Variants in KRT86 observed in about 807,000 individuals in gnomAD.
KRT86 encodes keratin, type II cuticular Hb6.
In KRT86, 30 loss-of-function variants were observed where a neutral mutation model predicts 41.2. The ratio of observed to expected loss-of-function variants is 0.73; its 90% CI spans 0.54 to 0.99. The LOEUF (loss-of-function observed/expected upper bound fraction) is 0.99, where lower values mean the gene tolerates loss of function less well. Ranked by LOEUF, KRT86 falls within the 50% of genes least tolerant of loss-of-function variation. The pLI, the probability that KRT86 is intolerant of heterozygous loss-of-function variation, is 0.00. For missense variants in KRT86, 561 were observed against 571.4 expected (o/e 0.98, Z 0.19); for synonymous variants, 238 against 238.1 (o/e 1.00, Z 0.00).
chr12:52,278,396 C>T (rs1417944619), intron 2 of KRT86, among the ~76,000 whole-genome samples: 3 of 150,322 alleles, frequency 2.0e-5, no homozygotes, highest in African/African-American at 4.9e-5. Context: ...TGTTCCCTCA[C>T]GGTCTCACCT....
Position 52,306,114 on chromosome 12 carries a change from C to T in KRT86, c.1081C>T (p.Leu361Phe). ...GTCTGAGCAGCAGGGTGAGGCGGCC[C>T]TCAGCGATGCCCGCTGCAAGTTGGC... ...AQSEQQGEAA[L>F]SDARCKLAEL... The change falls in exon 9 of 11, where the codon CTC becomes TTC. Residue 361 changes from leucine (L) to phenylalanine (F), a missense_variant. Transcript: ENST00000423955. The T allele has an allele frequency of 6.2e-7, 1 of 1,614,024 alleles. No individual in the cohort carries two copies. Among genetic ancestry groups the T allele is most frequent in the Non-Finnish European group, 8.5e-7 (1 of 1,180,044 alleles).
At chr12:52,286,783 A>G (rs1357639232) in intron 2 of KRT86, 2 of 1,613,942 alleles carry the variant, frequency 1.2e-6, no homozygotes, top group Non-Finnish European at 1.7e-6. Context: ...TGGACCCCAA[A>G]TACTCACAGA....
At chr12:52,294,477 AAGGGAGGAGGGGAGGGAAGGTGGC>A (rs750372232) in intron 2 of KRT86, among the ~76,000 whole-genome samples, 120 of 152,038 alleles carry the variant, frequency 7.9e-4, no homozygotes, top group Non-Finnish European at 1.2e-3. Flanking sequence ...TGTCATGGGG[AAGGGAGGAGGGGAGGGAAGGTGGC>A]AGGGAGGAGG....
intron 2 of KRT86, among the ~76,000 whole-genome samples, chr12:52,299,846 C>T (rs4318022): frequency 6.6e-6 from 1 of 152,170 alleles, no homozygotes; most frequent in Non-Finnish European, 1.5e-5. Flanking sequence ...GCTACGAATT[C>T]CTTGTCAGTT....
chr12:52,286,020 T>G, intron 2 of KRT86: 1 of 570,012 alleles, frequency 1.8e-6, no homozygotes, highest in Admixed American at 3.0e-5. Context: ...TTCCTGCTCC[T>G]GAGGCCCCTT....
chr12:52,275,054 T>A (rs1592412069), intron 1 of KRT86: 2 of 152,266 alleles, frequency 1.3e-5, no homozygotes, highest in African/African-American at 4.8e-5. Flanking sequence ...TTGCACGTGG[T>A]GGATGGAATG....
intron 2 of KRT86, among the ~76,000 whole-genome samples, chr12:52,284,351 A>G (rs545491899): frequency 1.3e-5 from 2 of 152,232 alleles, no homozygotes; most frequent in East Asian, 3.9e-4. Flanking sequence ...CACGTCGCCC[A>G]GCTAATATTT....
chr12:52,275,346 C>T (rs1942542189), intron 1 of KRT86, among the ~76,000 whole-genome samples: 1 of 152,180 alleles, frequency 6.6e-6, no homozygotes, highest in African/African-American at 2.4e-5. Flanking sequence ...TCCCTGGTTT[C>T]TGATTAATGG....
chr12:52,288,142 G>T, intron 2 of KRT86: 6 of 1,614,050 alleles, frequency 3.7e-6, no homozygotes, highest in Non-Finnish European at 4.2e-6. Context: ...TGGAGAATGA[G>T]GATCTCCTGC....
intron 2 of KRT86, among the ~76,000 whole-genome samples, chr12:52,298,601 TC>T (rs1223477055): frequency 5.3e-5 from 8 of 152,210 alleles, no homozygotes; most frequent in African/African-American, 1.9e-4. Context: ...ACTCTTTTAA[TC>T]TTTACAACTT....
chr12:52,301,768 T>C, intron 2 of KRT86, 145 bp from the exon 3 acceptor site: 1 of 1,546,428 alleles, frequency 6.5e-7, no homozygotes, highest in Non-Finnish European at 8.9e-7. Flanking sequence ...TAAAGCCTTC[T>C]AATTGCTCCG....
rs202141424 is a variant in KRT86, at chr12:52,302,023, C to A, written c.107C>A (p.Ser36Tyr). 1.9e-5 allele frequency: 30 copies of A among 1,611,346 alleles called. No individual in the cohort carries two copies. Among genetic ancestry groups the A allele is most frequent in the Middle Eastern group, 1.7e-4 (1 of 6,046 alleles). The stretch of plus-strand genomic sequence containing the variant: ...ACCGCCGCCCCCTACCGTGGCATCT[C>A]CTGCTACCGCGGCCTCACCGGGGGC... ...CITAAPYRGI[S>Y]CYRGLTGGFG... The change falls in exon 3 of 11, where the codon TCC becomes TAC. Residue 36 changes from serine to tyrosine, a missense_variant. By Grantham distance (144) the Ser-to-Tyr change is moderately radical (BLOSUM62 -2). Transcript: ENST00000423955.
At chr12:52,287,341 A>T in intron 2 of KRT86, 1 of 1,613,892 alleles carries the variant, frequency 6.2e-7, no homozygotes, top group Non-Finnish European at 8.5e-7. Context: ...AACAGAAAGA[A>T]CAAGGTAGAT....
rs1323515161 is a variant in KRT86, at chr12:52,301,261, G to GA, written c.-4-651dup. Among the ~76,000 whole-genome samples the GA allele has an allele frequency of 8.6e-5, 13 of 151,538 alleles. No individual in the cohort carries two copies. In the East Asian group the frequency reaches 1.9e-3, roughly 23 times the overall value. ...TGCACCAGAGAGTGGGAGAGAGAGA[G>GA]AGAAAAAAACATGTTGATAGGTATA... On this transcript the variant is annotated intron_variant, in intron 2 of 10. Coordinates refer to ENST00000423955, the MANE Select transcript of KRT86 (RefSeq NM_001320198.2).
chr12:52,308,900 A>G lies in KRT86; in HGVS notation c.*315A>G, dbSNP rs1282522497. On this transcript the variant is annotated 3_prime_UTR_variant, in exon 11 of 11. Coordinates refer to ENST00000423955, the MANE Select transcript of KRT86 (RefSeq NM_001320198.2). ...TTGGTCTTGCCTGAGCTCTTCCCCAAAGCTTGGAGGAACGGGGGAGGCCCG... is the reference window on the plus strand; with the variant it reads ...TTGGTCTTGCCTGAGCTCTTCCCCAGAGCTTGGAGGAACGGGGGAGGCCCG... 2.7e-6 allele frequency: 1 copy of G among 367,086 alleles called. No homozygotes were observed. The allele number at this position is 367,086 out of a possible 1,614,324, so 22.7% of individuals were successfully genotyped here.
At chr12:52,301,777 C>T (rs1376502130) in intron 2 of KRT86, 136 bp from the exon 3 acceptor site, 1 of 1,577,520 alleles carries the variant, frequency 6.3e-7, no homozygotes, top group East Asian at 2.2e-5. Context: ...CTAATTGCTC[C>T]GACCCACGTG....
chr12:52,280,724 C>T (rs1274150683), intron 2 of KRT86, among the ~76,000 whole-genome samples: 1 of 152,244 alleles, frequency 6.6e-6, no homozygotes, highest in Non-Finnish European at 1.5e-5. Context: ...CCTGCCAACA[C>T]TCGCAAATGC....
chr12:52,305,361 T>C lies in KRT86; in HGVS notation c.857T>C (p.Val286Ala). ...AEIKAQYDDI[V>A]TRSRAEAESW... ...ATCAAGGCACAGTACGATGACATTG[T>C]CACCCGTAGCCGGGCTGAGGCCGAG... Residue 286 changes from valine (V) to alanine (A), a missense_variant, in exon 7 of 11, where the codon GTC becomes GCC. Transcript: ENST00000423955. 1 of 1,614,208 alleles carries C rather than the reference T, an allele frequency of 6.2e-7. No homozygotes were observed. Among genetic ancestry groups the C allele is most frequent in the Non-Finnish European group, 8.5e-7 (1 of 1,180,038 alleles).
rs936190036 is a variant in KRT86, at chr12:52,291,200, G to C, written c.-4-10713G>C. 5 of 1,381,856 alleles carry C rather than the reference G, an allele frequency of 3.6e-6. No homozygotes were observed. Among genetic ancestry groups the C allele is most frequent in the Admixed American group, 2.3e-5 (1 of 44,420 alleles). The allele number at this position is 1,381,856 out of a possible 1,614,324, so 85.6% of individuals were successfully genotyped here. On this transcript the variant is annotated intron_variant, in intron 2 of 10. Transcript: ENST00000423955. ...GGGGTCGATCTCCAGGTTGAGGGGC[G>C]TGAGGAGGCTCTCGTTGACCGACAC...
Sources: gnomAD v4.1 joint callset for allele counts (sites outside exome capture counted in the v4.1 genomes callset) on GRCh38, gnomAD v4.1.1 for gene constraint, MANE v1.5 for transcripts, NCBI Gene and HGNC (gene_info 2026-07-23, HGNC 2026-07-21) for gene names.